Variants in PAMR1 observed in about 807,000 individuals in gnomAD.
PAMR1 encodes inactive serine protease PAMR1.
A neutral mutation model predicts 81.8 loss-of-function variants in PAMR1; 88 were observed. The ratio of observed to expected loss-of-function variants is 1.08; its 90% CI spans 0.91 to 1.28. PAMR1 has a LOEUF of 1.28. Ranked by LOEUF, PAMR1 falls within the 50% of genes most tolerant of loss-of-function variation. The pLI, the probability that PAMR1 is intolerant of heterozygous loss-of-function variation, is 0.00. For missense variants in PAMR1, 935 were observed against 919.7 expected, an observed-to-expected ratio of 1.02 and a Z score of -0.21; for synonymous variants, 336 against 345.3, an observed-to-expected ratio of 0.97 and a Z score of 0.30.
At chr11:35,501,143 T>C (rs1457657334) in intron 1 of PAMR1, among the ~76,000 whole-genome samples, 1 of 151,310 alleles carries the variant, frequency 6.6e-6, no homozygotes, top group Non-Finnish European at 1.5e-5. Flanking sequence ...CTTTTTTTTT[T>C]TTTTTGAGAC....
intron 3 of PAMR1, among the ~76,000 whole-genome samples, chr11:35,481,467 CT>C (rs1850388390): frequency 6.6e-6 from 1 of 152,082 alleles, no homozygotes; most frequent in Non-Finnish European, 1.5e-5. Flanking sequence ...TGATGCTAAG[CT>C]TTTTTTCATA....
intron 6 of PAMR1, among the ~76,000 whole-genome samples, chr11:35,455,678 G>A (rs1856513744): frequency 6.6e-6 from 1 of 152,142 alleles, no homozygotes; most frequent in African/African-American, 2.4e-5. Flanking sequence ...GAATGATGAA[G>A]TGTTATTAAC....
At chr11:35,443,344 C>T (rs963927402) in intron 6 of PAMR1, among the ~76,000 whole-genome samples, 1 of 152,094 alleles carries the variant, frequency 6.6e-6, no homozygotes, top group Non-Finnish European at 1.5e-5. Flanking sequence ...GCTGTTTATC[C>T]TGATGCTCTC....
At chr11:35,493,012 T>C (rs752617451) in intron 2 of PAMR1, among the ~76,000 whole-genome samples, 1 of 152,222 alleles carries the variant, frequency 6.6e-6, no homozygotes, top group African/African-American at 2.4e-5. Flanking sequence ...CTGGGTGATA[T>C]GATTTGGATC....
At chr11:35,524,019 G>A (rs193038942) in intron 1 of PAMR1, among the ~76,000 whole-genome samples, 46 of 152,238 alleles carry the variant, frequency 3.0e-4, no homozygotes, top group Admixed American at 2.7e-3. Flanking sequence ...GCAGGGGAAC[G>A]CTGATGTAAC....
At chr11:35,460,659 C>T (rs1046840071) in intron 6 of PAMR1, among the ~76,000 whole-genome samples, 1 of 152,078 alleles carries the variant, frequency 6.6e-6, no homozygotes, top group Non-Finnish European at 1.5e-5. Flanking sequence ...TGAACTCATC[C>T]TTTTTTATGG....
chr11:35,468,063 T>A lies in PAMR1; in HGVS notation c.758A>T (p.Asp253Val). ...PCFHDGTCVL[D>V]KAGSYKCACL... ...GGCACACTTGTAAGATCCAGCCTTG[T>A]CAAGGACGCACGTGCCGTCATGGAA... Residue 253 changes from aspartate to valine, a missense_variant, in exon 6 of 11, where the codon GAC (aspartate) becomes GTC (valine). Physicochemically the swap from Asp to Val is radical, Grantham distance 152. Coordinates refer to ENST00000619888, the MANE Select transcript of PAMR1 (RefSeq NM_001001991.3). 6.4e-7 allele frequency: 1 copy of A among 1,560,326 alleles called. No individual in the cohort carries two copies. The highest frequency in any genetic ancestry group is 8.7e-7 in the Non-Finnish European group (1 of 1,150,706).
At position 35,435,668 on chromosome 11, in the gene PAMR1, A is replaced by C. The variant is rs564400523; in HGVS notation, c.1333+235T>G. ...GGTGACTTAATGACCATTTTTTCCA[A>C]GTAAATATGATAGAATCACCCAAGA... On this transcript the variant is annotated intron_variant, in intron 9 of 10. Transcript: ENST00000619888. Among the ~76,000 whole-genome samples, 4 of 152,232 alleles carry C rather than the reference A, an allele frequency of 2.6e-5. No individual in the cohort carries two copies. The South Asian group carries it at 8.3e-4, about 32-fold the overall frequency.
intron 6 of PAMR1, among the ~76,000 whole-genome samples, chr11:35,462,111 T>C (rs564240889): frequency 6.6e-6 from 1 of 152,050 alleles, no homozygotes; most frequent in African/African-American, 2.4e-5. Context: ...GTCTCCAAAA[T>C]GACCAGCAGG....
intron 5 of PAMR1, among the ~76,000 whole-genome samples, chr11:35,468,862 A>G (rs1308331427): frequency 1.3e-5 from 2 of 152,232 alleles, no homozygotes; most frequent in African/African-American, 4.8e-5. Context: ...CATCAATCCT[A>G]CATTCATTTA....
At chr11:35,526,436 T>C (rs1469056652), upstream of PAMR1, among the ~76,000 whole-genome samples, 1 of 152,156 alleles carries the variant, frequency 6.6e-6, no homozygotes, top group African/African-American at 2.4e-5. Flanking sequence ...AGGTACAAGA[T>C]AGCAAGTGAC....
chr11:35,441,382 A>G (rs1240846203), intron 7 of PAMR1, 99 bp downstream of exon 7: 1 of 805,188 alleles, frequency 1.2e-6, no homozygotes, highest in Non-Finnish European at 2.1e-6. Context: ...TTAAAAGAGA[A>G]AGGCATTTTT....
At position 35,470,804 on chromosome 11, in the gene PAMR1, C is replaced by A. The variant is rs759332524; in HGVS notation, c.509G>T (p.Ser170Ile). 6.2e-7 allele frequency: 1 copy of A among 1,613,738 alleles called. No homozygotes were observed. The highest frequency in any genetic ancestry group is 8.5e-7 in the Non-Finnish European group (1 of 1,179,710). ...FVIQLRFVMLSLEFDYMCQYD... is the reference protein window; with the variant it reads ...FVIQLRFVMLILEFDYMCQYD... ...CTGGCACATGTAGTCAAACTCCAGG[C>A]TCAACATGACAAATCTGTGGGTGGA... The change falls in exon 5 of 11, where the codon AGC becomes ATC. Residue 170 changes from serine (S) to isoleucine (I), a missense_variant. Ser to Ile is a moderately radical substitution (Grantham distance 142, BLOSUM62 -2). Coordinates refer to ENST00000619888, the MANE Select transcript of PAMR1 (RefSeq NM_001001991.3).
intron 1 of PAMR1, among the ~76,000 whole-genome samples, chr11:35,512,532 T>C (rs968905037): frequency 3.3e-5 from 5 of 152,156 alleles, no homozygotes; most frequent in Non-Finnish European, 7.3e-5. Context: ...GCAGCATTGG[T>C]GAGTAGAAAC....
At chr11:35,527,338 C>CGCAT (rs1851409877), upstream of PAMR1, among the ~76,000 whole-genome samples, 1 of 152,134 alleles carries the variant, frequency 6.6e-6, no homozygotes, top group African/African-American at 2.4e-5. Context: ...AATAAGATTA[C>CGCAT]GCATGTAAGG....
rs549382933 is a variant in PAMR1 at position 35,435,839 on chromosome 11, G to T, written c.1333+64C>A. The T allele has an allele frequency of 7.4e-5, 92 of 1,241,776 alleles. No individual in the cohort carries two copies. In the African/African-American group the frequency reaches 1.3e-3, roughly 17 times the overall value. 76.9% of individuals were successfully genotyped at this position (1,241,776 alleles called of 1,614,324 possible). A position where few individuals can be genotyped will look rare whatever the true frequency, so the allele number is the denominator to read the frequency against. ...TGCTCTCCCAAAAAGTAGGGTTAAT[G>T]GTTTTTCTCAGGCAGTCATGAAAGA... On this transcript the variant is annotated intron_variant, in intron 9 of 10. Coordinates refer to ENST00000619888, the MANE Select transcript of PAMR1 (RefSeq NM_001001991.3).
At chr11:35,510,942 C>G (rs1400496) in intron 1 of PAMR1, among the ~76,000 whole-genome samples, 2 of 152,242 alleles carry the variant, frequency 1.3e-5, no homozygotes, top group Admixed American at 1.3e-4. Context: ...CATCTCCTAT[C>G]TAAAGTGGGA....
chr11:35,488,372 C>A (rs1175269611), intron 3 of PAMR1, among the ~76,000 whole-genome samples: 1 of 151,890 alleles, frequency 6.6e-6, no homozygotes, highest in African/African-American at 2.4e-5. Flanking sequence ...GCATGCACCA[C>A]CATGCCTGGC....
At chr11:35,499,046 G>A (rs550664147) in intron 1 of PAMR1, among the ~76,000 whole-genome samples, 133 of 152,344 alleles carry the variant, frequency 8.7e-4, no homozygotes, top group Non-Finnish European at 2.1e-4. Context: ...GGGCAGGGCT[G>A]GCTGGCACAC....
Sources: allele counts gnomAD v4.1 joint callset (sites outside exome capture counted in the v4.1 genomes callset), GRCh38; gene constraint gnomAD v4.1.1; transcripts MANE v1.5; gene names NCBI Gene and HGNC (gene_info 2026-07-23, HGNC 2026-07-21).